Variants in ALDH3B2 observed in about 807,000 individuals in gnomAD.
ALDH3B2 encodes the protein aldehyde dehydrogenase family 3 member B2.
Under a neutral mutation model 36.7 loss-of-function variants are expected in ALDH3B2, and 45 were observed. That is an observed-to-expected ratio of 1.23 (90% CI 0.97 to 1.57). The LOEUF (loss-of-function observed/expected upper bound fraction) is 1.57. Ranked by LOEUF, ALDH3B2 falls within the 40% of genes most tolerant of loss-of-function variation. The pLI is 0.00. For synonymous variants in ALDH3B2, 217 were observed against 226.5 expected, an observed-to-expected ratio of 0.96 and a Z score of 0.38; for missense variants, 464 against 513.3, an observed-to-expected ratio of 0.90 and a Z score of 0.93.
chr11:67,678,258 G>A (rs1424977977), upstream of ALDH3B2, among the ~76,000 whole-genome samples: 6 of 152,096 alleles, frequency 3.9e-5, no homozygotes, highest in Non-Finnish European at 7.3e-5. Context: ...GTGACATATC[G>A]GTGTAAAACT....
chr11:67,673,121 G>A (rs151128822), intron 1 of ALDH3B2, among the ~76,000 whole-genome samples: 11,762 of 151,664 alleles, frequency 0.078, 476 homozygotes, highest in East Asian at 0.12. Context: ...TAGTAGAGAC[G>A]GGGTTTCACC....
At chr11:67,666,915 G>A (rs1261118455) in exon 3 of ALDH3B2, 13 of 1,614,070 alleles carry the variant, frequency 8.1e-6, no homozygotes, top group Non-Finnish European at 1.1e-5. Flanking sequence ...CCAGGTTCGT[G>A]GACCGTGGTT....
chr11:67,672,023 G>A (rs1276608758), intron 1 of ALDH3B2, among the ~76,000 whole-genome samples: 1 of 120,444 alleles, frequency 8.3e-6, no homozygotes, highest in African/African-American at 3.3e-5. Context: ...CTGCCTTTCT[G>A]GATGGAACCG....
At chr11:67,680,063 C>A (rs1856342353) in intron 1 of ALDH3B2, among the ~76,000 whole-genome samples, 1 of 152,150 alleles carries the variant, frequency 6.6e-6, no homozygotes, top group Admixed American at 6.6e-5. Flanking sequence ...TGCCTGTAAT[C>A]CCAGCACTCT....
chr11:67,665,927 C>T (rs1855895039), intron 6 of ALDH3B2, among the ~76,000 whole-genome samples, 195 bp downstream of exon 6: 1 of 152,188 alleles, frequency 6.6e-6, no homozygotes, highest in South Asian at 2.1e-4. Flanking sequence ...GACCTGCCTC[C>T]AGCCTGGCCA....
exon 9 of ALDH3B2, chr11:67,663,691 G>C: frequency 1.2e-6 from 2 of 1,612,666 alleles, no homozygotes; most frequent in African/African-American, 1.3e-5. Context: ...GGACAGCAGA[G>C]ATATGTAGGT....
chr11:67,675,516 C>T (rs1565251686), upstream of ALDH3B2, among the ~76,000 whole-genome samples: 3 of 152,326 alleles, frequency 2.0e-5, no homozygotes, highest in East Asian at 1.9e-4. Context: ...ACCAAGGACA[C>T]GCCCTGCTGA....
exon 6 of ALDH3B2, chr11:67,666,193 G>C (rs1855903814): frequency 1.9e-6 from 3 of 1,613,946 alleles, no homozygotes; most frequent in Admixed American, 3.3e-5. Context: ...CAGCACCACG[G>C]CAAAGCAGCT....
intron 1 of ALDH3B2, among the ~76,000 whole-genome samples, chr11:67,673,409 G>A (rs916043803): frequency 6.6e-6 from 1 of 152,136 alleles, no homozygotes; most frequent in South Asian, 2.1e-4. Flanking sequence ...AAACATGATC[G>A]GTGGGCCAGG....
In ALDH3B2 at chr11:67,669,964, G is replaced by C. The variant is rs557191356; in HGVS notation, c.-244-2329C>G. On this transcript the variant is annotated intron_variant, in intron 1 of 9. Coordinates refer to ENST00000349015, the Ensembl canonical transcript of ALDH3B2. ...TGGGTGTGTGTGTCCACGTGTGTCTGTGTGTGTATGGGTGTCTGTATGTGT... is the reference window on the plus strand; with the variant it reads ...TGGGTGTGTGTGTCCACGTGTGTCTCTGTGTGTATGGGTGTCTGTATGTGT... Among the ~76,000 whole-genome samples, 127 of 137,408 alleles carry C rather than the reference G, an allele frequency of 9.2e-4. 2 individuals are homozygous for C. Among genetic ancestry groups the C allele is most frequent in the African/African-American group, 3.4e-3 (120 of 35,214 alleles). 90.1% of individuals were successfully genotyped at this position (137,408 alleles called of 152,430 possible).
At chr11:67,672,449 G>C (rs1183853697) in intron 1 of ALDH3B2, among the ~76,000 whole-genome samples, 5 of 151,852 alleles carry the variant, frequency 3.3e-5, no homozygotes, top group Non-Finnish European at 5.9e-5. Context: ...CACCGTGCCT[G>C]GCCTTCTTAC....
chr11:67,667,497 G>C, exon 2 of ALDH3B2: 1 of 389,294 alleles, frequency 2.6e-6, no homozygotes, highest in East Asian at 4.3e-5. Context: ...GGGCCAGCAC[G>C]TCGCGCAGAA....
chr11:67,672,085 ATATG>A (rs1196101213), intron 1 of ALDH3B2, among the ~76,000 whole-genome samples: 24 of 52,828 alleles, frequency 4.5e-4, no homozygotes, highest in African/African-American at 1.7e-3. Flanking sequence ...ATATATATAT[ATATG>A]TATGTATGTA....
intron 7 of ALDH3B2, 108 bp downstream of exon 7, chr11:67,665,177 A>G (rs1335423679): frequency 4.0e-6 from 6 of 1,504,800 alleles, no homozygotes; most frequent in Non-Finnish European, 5.3e-6. Flanking sequence ...GGGCTCTGAT[A>G]GTGGGGCCGG....
chr11:67,666,723 T>C (rs1249126179), intron 3 of ALDH3B2, 29 bp from the exon 4 acceptor site: 1 of 1,613,088 alleles, frequency 6.2e-7, no homozygotes, highest in African/African-American at 1.3e-5. Context: ...AGTGAGGCCC[T>C]GCCAAGGGCC....
upstream of ALDH3B2, among the ~76,000 whole-genome samples, chr11:67,678,257 C>T (rs1391796610): frequency 1.3e-5 from 2 of 152,098 alleles, no homozygotes; most frequent in African/African-American, 4.8e-5. Flanking sequence ...AGTGACATAT[C>T]GGTGTAAAAC....
exon 3 of ALDH3B2, chr11:67,666,936 C>T (rs757928272): frequency 1.2e-5 from 20 of 1,614,060 alleles, no homozygotes; most frequent in Non-Finnish European, 8.5e-7. Context: ...CATCCTTCAT[C>T]CAGGCCTGCA....
rs1342315534 is a variant in ALDH3B2 at position 67,667,601 on chromosome 11, G to A, written c.-210C>T. On this transcript the variant is annotated 5_prime_UTR_variant, in exon 2 of 10. Coordinates refer to ENST00000349015, the Ensembl canonical transcript of ALDH3B2. ...GTGCGCCCTCAGTTGAAGGCCTCAC[G>A]CAGCCGCCGCAGCGTGTCCTCGAAG... 8.5e-6 allele frequency: 3 copies of A among 353,384 alleles called. No homozygotes were observed. The East Asian group carries it at 1.6e-4, about 19-fold the overall frequency. 21.9% of individuals were successfully genotyped at this position (353,384 alleles called of 1,614,324 possible).
At chr11:67,665,150 A>T in intron 7 of ALDH3B2, 135 bp downstream of exon 7, 1 of 1,450,516 alleles carries the variant, frequency 6.9e-7, no homozygotes, top group Non-Finnish European at 9.3e-7. Flanking sequence ...GTGGCACCAG[A>T]GCCATGGCTC....
Sources: gnomAD v4.1 joint callset for allele counts (sites outside exome capture counted in the v4.1 genomes callset) on GRCh38, gnomAD v4.1.1 for gene constraint, MANE v1.5 for transcripts, NCBI Gene and HGNC (gene_info 2026-07-23, HGNC 2026-07-21) for gene names.